ALK: variants seen among roughly 807,000 people sequenced by gnomAD.
ALK encodes ALK tyrosine kinase receptor.
ALK carries 74 observed loss-of-function variants against 163.1 expected under a neutral mutation model. The ratio of observed to expected loss-of-function variants is 0.45; its 90% confidence interval spans 0.38 to 0.55. The LOEUF (loss-of-function observed/expected upper bound fraction) is 0.55. Among genes scored for constraint, ALK ranks in the 20% least tolerant of loss-of-function variants. The pLI, the probability that ALK is intolerant of heterozygous loss-of-function variation, is 0.00. For synonymous variants in ALK, 960 were observed against 843.2 expected (o/e 1.14, Z -2.40); for missense variants, 2,063 against 2,105.3 (o/e 0.98, Z 0.39).
chr2:29,440,325 T>C (rs1283451583), intron 4 of ALK, among the ~76,000 whole-genome samples: 1 of 151,090 alleles, frequency 6.6e-6, no homozygotes, highest in East Asian at 1.9e-4. Flanking sequence ...TCAATTTTTT[T>C]TTTTTTTTTT....
At chr2:29,454,125 T>C (rs1670890783) in intron 4 of ALK, among the ~76,000 whole-genome samples, 1 of 152,090 alleles carries the variant, frequency 6.6e-6, no homozygotes, top group Non-Finnish European at 1.5e-5. Flanking sequence ...CTGCTAGAAA[T>C]TGGAGCAAGA....
rs2148168747 is a variant in ALK at position 29,222,405 on chromosome 2, G to A, written c.3454C>T (p.Leu1152=). Residue 1152 remains leucine, a synonymous_variant, in exon 22 of 29, where the codon CTG becomes TTG. Transcript: ENST00000389048. The part of the protein sequence containing the change: ...PSPLQVAVKT[L]PEVCSEQDEL... ...TCCTGTTCAGAGCACACTTCAGGCA[G>A]CGTCTGGGCAGAGAAGGGGAGGGTG... 1.2e-6 allele frequency: 2 copies of A among 1,614,158 alleles called. No homozygotes were observed. Among genetic ancestry groups the A allele is most frequent in the Non-Finnish European group, 1.7e-6 (2 of 1,180,020 alleles).
chr2:29,347,037 CT>C (rs1246901414), intron 5 of ALK, among the ~76,000 whole-genome samples: 5 of 152,286 alleles, frequency 3.3e-5, no homozygotes, highest in Admixed American at 2.6e-4. Flanking sequence ...TAATAAAGAT[CT>C]TTATTTGCAT....
chr2:29,478,230 C>A (rs545739208), intron 4 of ALK, among the ~76,000 whole-genome samples: 53 of 152,304 alleles, frequency 3.5e-4, no homozygotes, highest in African/African-American at 1.2e-3. Context: ...CCCATGTTGC[C>A]CTCCTCTCAT....
intron 6 of ALK, among the ~76,000 whole-genome samples, chr2:29,322,247 G>C (rs1285415050): frequency 6.6e-6 from 1 of 152,198 alleles, no homozygotes; most frequent in Non-Finnish European, 1.5e-5. Context: ...CAGCACCTTA[G>C]TGAATTATTA....
intron 1 of ALK, among the ~76,000 whole-genome samples, chr2:29,778,845 G>C (rs1681252974): frequency 6.6e-6 from 1 of 152,102 alleles, no homozygotes; most frequent in African/African-American, 2.4e-5. Flanking sequence ...TTTCCTGTCT[G>C]AGAGAAAATG....
chr2:29,658,771 C>CA (rs1278033890), intron 3 of ALK, among the ~76,000 whole-genome samples: 1 of 152,124 alleles, frequency 6.6e-6, no homozygotes, highest in African/African-American at 2.4e-5. Context: ...ATGTGTGCTG[C>CA]ATAATATGTA....
intron 3 of ALK, among the ~76,000 whole-genome samples, chr2:29,641,034 T>TG (rs1232363232): frequency 6.6e-6 from 1 of 152,006 alleles, no homozygotes; most frequent in East Asian, 1.9e-4. Context: ...GTATAGTGCT[T>TG]GGCGGGGGCA....
intron 1 of ALK, among the ~76,000 whole-genome samples, chr2:29,770,560 T>C (rs528933158): frequency 2.0e-5 from 3 of 152,304 alleles, no homozygotes; most frequent in East Asian, 3.9e-4. Context: ...ATAAGAATTA[T>C]GTAAGAAAAA....
At chr2:29,830,415 G>A (rs1665334100) in intron 1 of ALK, among the ~76,000 whole-genome samples, 1 of 152,072 alleles carries the variant, frequency 6.6e-6, no homozygotes, top group South Asian at 2.1e-4. Flanking sequence ...AATGTAGGAA[G>A]ACCCTACTGA....
chr2:29,799,285 A>G (rs781396255), intron 1 of ALK, among the ~76,000 whole-genome samples: 4 of 152,244 alleles, frequency 2.6e-5, no homozygotes, highest in African/African-American at 4.8e-5. Flanking sequence ...CAGCAAGGGC[A>G]CCAACTTGGA....
At chr2:29,745,353 G>A (rs757241294) in intron 1 of ALK, among the ~76,000 whole-genome samples, 1 of 152,188 alleles carries the variant, frequency 6.6e-6, no homozygotes, top group Non-Finnish European at 1.5e-5. Flanking sequence ...AGCTTCCACT[G>A]AGGTGGGAAA....
chr2:29,616,174 C>T (rs7595302), intron 3 of ALK, among the ~76,000 whole-genome samples: 94,600 of 152,016 alleles, frequency 0.62, 30,851 homozygotes, highest in East Asian at 0.73. Context: ...AGAAAGGACA[C>T]AGGAGAGGGA....
intron 11 of ALK, among the ~76,000 whole-genome samples, chr2:29,263,212 G>A (rs6731230): frequency 0.081 from 12,390 of 152,290 alleles, 693 homozygotes; most frequent in Middle Eastern, 0.13. Flanking sequence ...GGATAGGAGA[G>A]ATTTAATCTA....
intron 1 of ALK, among the ~76,000 whole-genome samples, chr2:29,832,164 G>A (rs1045915904): frequency 6.6e-6 from 1 of 152,188 alleles, no homozygotes; most frequent in Admixed American, 6.6e-5. Flanking sequence ...GAGAAACTGG[G>A]TTGAAATTCA....
intron 3 of ALK, among the ~76,000 whole-genome samples, chr2:29,650,996 A>T (rs1677021557): frequency 1.3e-5 from 2 of 152,258 alleles, no homozygotes; most frequent in Admixed American, 6.5e-5. Flanking sequence ...TAGTCGCCGC[A>T]CGGTGACTTG....
In ALK at chr2:29,225,535, A is replaced by G. The variant is rs572614173; in HGVS notation, c.3098T>C (p.Leu1033Pro). The change falls in exon 19 of 29, where the codon CTC (leucine) becomes CCC (proline). Residue 1033 changes from leucine (L) to proline (P), a missense_variant. This residue lies in a region of ALK where 575 missense variants were observed against 626.6 expected (regional missense o/e 0.92). Transcript: ENST00000389048. The stretch of plus-strand genomic sequence containing the variant: ...GGTCACCACAGAGAGGATCAGCGAG[A>G]GTGGCAGGTGTGGCTCCGGGGTGGG... ...VSPTPEPHLPLSLILSVVTSA... is the reference protein window; with the variant it reads ...VSPTPEPHLPPSLILSVVTSA... The G allele has an allele frequency of 1.9e-6, 3 of 1,612,478 alleles. No individual in the cohort carries two copies. Among genetic ancestry groups the G allele is most frequent in the Non-Finnish European group, 2.5e-6 (3 of 1,179,770 alleles).
At chr2:29,912,369 T>C (rs1048451335) in intron 1 of ALK, among the ~76,000 whole-genome samples, 11 of 152,012 alleles carry the variant, frequency 7.2e-5, no homozygotes, top group Non-Finnish European at 1.5e-4. Context: ...GGAACAACAA[T>C]GTAATGGCAG....
At chr2:29,891,372 G>A (rs939776680) in intron 1 of ALK, among the ~76,000 whole-genome samples, 18 of 152,132 alleles carry the variant, frequency 1.2e-4, no homozygotes, top group Admixed American at 7.2e-4. Flanking sequence ...AGAGGATGCC[G>A]GGTGACAATC....
Sources: allele counts gnomAD v4.1 joint callset (sites outside exome capture counted in the v4.1 genomes callset), GRCh38; gene constraint gnomAD v4.1.1; regional missense constraint gnomAD v4.1.1; transcripts MANE v1.5; gene names NCBI Gene and HGNC (gene_info 2026-07-23, HGNC 2026-07-21).